PSMA8: variants seen among roughly 807,000 people sequenced by gnomAD.
PSMA8 encodes proteasome 20S subunit alpha 8, also known as proteasome subunit alpha-type 8.
A neutral mutation model predicts 32.4 loss-of-function variants in PSMA8; 18 were observed. That is an observed-to-expected ratio of 0.56 (90% confidence interval 0.38 to 0.82). PSMA8 has a LOEUF of 0.82. Among genes scored for constraint, PSMA8 ranks in the 40% least tolerant of loss-of-function variants. The probability of loss-of-function intolerance (pLI) is 0.00; values close to 1 mark genes in which losing one functional copy is unlikely to be tolerated. For synonymous variants in PSMA8, 104 were observed against 98.1 expected, an observed-to-expected ratio of 1.06 and a Z score of -0.36; for missense variants, 298 against 300.7, an observed-to-expected ratio of 0.99 and a Z score of 0.07.
At position 26,179,056 on chromosome 18, in the gene PSMA8, G is replaced by T. The variant is rs746611100; in HGVS notation, c.598-12G>T. ...CTGAAATAATTCTAATAGTGTACTT[G>T]TTCTACATTAGGTTGTCCAGTCTGG... On this transcript the variant is annotated splice_polypyrimidine_tract_variant and intron_variant, in intron 5 of 6. Coordinates refer to ENST00000415576, the MANE Select transcript of PSMA8 (RefSeq NM_001025096.2). The T allele has an allele frequency of 8.1e-6, 13 of 1,611,602 alleles. No individual in the cohort carries two copies. The South Asian group carries it at 1.4e-4, about 18-fold the overall frequency.
chr18:26,152,976 C>T (rs2055058789), intron 3 of PSMA8, among the ~76,000 whole-genome samples: 2 of 152,174 alleles, frequency 1.3e-5, no homozygotes, highest in African/African-American at 4.8e-5. Flanking sequence ...GTTCTTTATA[C>T]ATTACCTACT....
chr18:26,152,253 G>A (rs2055052198), intron 3 of PSMA8, among the ~76,000 whole-genome samples: 1 of 152,072 alleles, frequency 6.6e-6, no homozygotes, highest in Non-Finnish European at 1.5e-5. Context: ...CTACACTTCT[G>A]GAGATTAATA....
chr18:26,189,818 A>T (rs1342176548), intron 6 of PSMA8, among the ~76,000 whole-genome samples: 1 of 152,238 alleles, frequency 6.6e-6, no homozygotes, highest in Non-Finnish European at 1.5e-5. Context: ...AAAGGAAATC[A>T]GTATATTGAA....
rs184917774 is a variant in PSMA8, at chr18:26,138,847, G to T, written c.102+4780G>T. 7.9e-5 allele frequency among the ~76,000 whole-genome samples: 12 copies of T among 152,302 alleles called. No individual in the cohort carries two copies. In the East Asian group the frequency reaches 2.3e-3, roughly 29 times the overall value. On this transcript the variant is annotated intron_variant, in intron 1 of 6. Transcript: ENST00000415576. Reference sequence around the variant, plus strand: ...GGATGGTGTTGACAGAGGTATAGAAGAAGGAGGAATAAAAGTTGGTGTCCC... The same window carrying T: ...GGATGGTGTTGACAGAGGTATAGAATAAGGAGGAATAAAAGTTGGTGTCCC...
chr18:26,139,457 G>C (rs931576018), intron 1 of PSMA8, among the ~76,000 whole-genome samples: 1 of 152,214 alleles, frequency 6.6e-6, no homozygotes, highest in African/African-American at 2.4e-5. Flanking sequence ...TGAGCCAGAG[G>C]AATTAGCTAA....
chr18:26,171,996 G>T (rs1282309141), intron 4 of PSMA8, among the ~76,000 whole-genome samples: 1 of 152,150 alleles, frequency 6.6e-6, no homozygotes, highest in South Asian at 2.1e-4. Context: ...TGTGAACAAA[G>T]TTGGTTTGCT....
At chr18:26,165,572 C>T (rs1055828299) in intron 4 of PSMA8, among the ~76,000 whole-genome samples, 1 of 135,954 alleles carries the variant, frequency 7.4e-6, no homozygotes, top group African/African-American at 2.8e-5. Flanking sequence ...AGGGAATTTT[C>T]CCCCCCCAAG....
intron 1 of PSMA8, among the ~76,000 whole-genome samples, chr18:26,135,332 T>C (rs2054903230): frequency 6.6e-6 from 1 of 152,152 alleles, no homozygotes. Flanking sequence ...ACTTTGGAAA[T>C]TGAGACAGTA....
In PSMA8 at chr18:26,193,226, G is replaced by A. The variant is rs936034230; in HGVS notation, c.*815G>A. ...GATTGGTATTATGGAAGGCTTATTG[G>A]GGGAACAAGAAAAATATAAAAAGTG... On this transcript the variant is annotated 3_prime_UTR_variant, in exon 7 of 7. Transcript: ENST00000415576. 6.6e-6 allele frequency: 1 copy of A among 152,078 alleles called. No homozygotes were observed. Among genetic ancestry groups the A allele is most frequent in the Non-Finnish European group, 1.5e-5 (1 of 68,022 alleles). 9.4% of individuals were successfully genotyped at this position (152,078 alleles called of 1,614,324 possible).
At position 26,144,661 on chromosome 18, in the gene PSMA8, G is replaced by T; in HGVS notation, c.205G>T (p.Asp69Tyr). ...TGTGAGGAAAATTTGTGCCCTTGATGACCATGTCTGCATGGCTTTTGCAGG... is the reference window on the plus strand; with the variant it reads ...TGTGAGGAAAATTTGTGCCCTTGATTACCATGTCTGCATGGCTTTTGCAGG... ...RTVRKICALDDHVCMAFAGLT... is the reference protein window; with the variant it reads ...RTVRKICALDYHVCMAFAGLT... Residue 69 changes from aspartate (D) to tyrosine (Y), a missense_variant, in exon 2 of 7, where the codon GAC (aspartate) becomes TAC (tyrosine). Transcript: ENST00000415576. The T allele has an allele frequency of 6.2e-7, 1 of 1,613,798 alleles. No individual in the cohort carries two copies. Among genetic ancestry groups the T allele is most frequent in the South Asian group, 1.1e-5 (1 of 90,994 alleles).
intron 6 of PSMA8, among the ~76,000 whole-genome samples, chr18:26,184,333 T>A (rs1461846317): frequency 6.6e-6 from 1 of 150,780 alleles, no homozygotes; most frequent in Admixed American, 6.6e-5. Context: ...AAGCTTGTCA[T>A]TTTCTACAAC....
Position 26,134,084 on chromosome 18 carries a change from T to G in PSMA8, c.102+17T>G. On this transcript the variant is annotated intron_variant, in intron 1 of 6. Coordinates refer to ENST00000415576, the MANE Select transcript of PSMA8 (RefSeq NM_001025096.2). The stretch of plus-strand genomic sequence containing the variant: ...TCCACCGCGGTGAGGAAGCAACTAT[T>G]ACCGGACTATTCCCCGCTCTGACCT... 3.2e-6 allele frequency: 5 copies of G among 1,579,334 alleles called. No homozygotes were observed. The highest frequency in any genetic ancestry group is 4.4e-6 in the Non-Finnish European group (5 of 1,148,340).
At chr18:26,142,723 C>G (rs1293770176) in intron 1 of PSMA8, among the ~76,000 whole-genome samples, 4 of 152,146 alleles carry the variant, frequency 2.6e-5, no homozygotes, top group African/African-American at 9.7e-5. Flanking sequence ...GGAGAGTACC[C>G]ATTTCCTAGT....
At chr18:26,163,218 T>TATAC (rs2055150158) in intron 4 of PSMA8, among the ~76,000 whole-genome samples, 1 of 7,960 alleles carries the variant, frequency 1.3e-4, no homozygotes, top group African/African-American at 2.6e-4. Flanking sequence ...TGTGTGTATA[T>TATAC]ATATATATAT....
At chr18:26,139,932 G>A (rs2054941426) in intron 1 of PSMA8, 3 of 611,992 alleles carry the variant, frequency 4.9e-6, no homozygotes, top group Non-Finnish European at 8.7e-6. Context: ...TCCTGATCTC[G>A]CTTGTTTATC....
chr18:26,190,352 G>A (rs1447704882), intron 6 of PSMA8, among the ~76,000 whole-genome samples: 1 of 152,156 alleles, frequency 6.6e-6, no homozygotes, highest in Non-Finnish European at 1.5e-5. Context: ...CATTCTCCAT[G>A]ATGTGGTTAT....
chr18:26,189,116 G>GT (rs1364139988), intron 6 of PSMA8, among the ~76,000 whole-genome samples: 1 of 152,120 alleles, frequency 6.6e-6, no homozygotes. Context: ...TAACCAGAAT[G>GT]TATAAGGAGC....
chr18:26,189,697 G>A (rs1160995483), intron 6 of PSMA8, among the ~76,000 whole-genome samples: 1 of 152,172 alleles, frequency 6.6e-6, no homozygotes, highest in African/African-American at 2.4e-5. Context: ...CTGTTGGTGG[G>A]AATGTAAATT....
chr18:26,138,968 T>A (rs2054933746), intron 1 of PSMA8, among the ~76,000 whole-genome samples: 1 of 152,162 alleles, frequency 6.6e-6, no homozygotes, highest in African/African-American at 2.4e-5. Context: ...TTGGACTTGC[T>A]GAGGTTGAGA....
Sources: gnomAD v4.1 joint callset for allele counts (sites outside exome capture counted in the v4.1 genomes callset) on GRCh38, gnomAD v4.1.1 for gene constraint, MANE v1.5 for transcripts, NCBI Gene and HGNC (gene_info 2026-07-23, HGNC 2026-07-21) for gene names.